IGSF5: variants seen among roughly 807,000 people sequenced by gnomAD.
The protein encoded by IGSF5 is immunoglobulin superfamily 5 like.
IGSF5 carries 41 observed loss-of-function variants against 39.4 expected under a neutral mutation model. The observed-to-expected ratio is 1.04, with a 90% CI of 0.81 to 1.35. The LOEUF is 1.35. Ranked by LOEUF, IGSF5 falls within the 40% of genes most tolerant of loss-of-function variation. The probability of loss-of-function intolerance (pLI) is 0.00; values close to 1 mark genes in which losing one functional copy is unlikely to be tolerated. For missense variants in IGSF5, 487 were observed against 494.6 expected, an observed-to-expected ratio of 0.98 and a Z score of 0.15; for synonymous variants, 183 against 175.3, an observed-to-expected ratio of 1.04 and a Z score of -0.34.
intron 2 of IGSF5, among the ~76,000 whole-genome samples, chr21:39,764,955 C>A (rs1367674275): frequency 1.3e-5 from 2 of 152,172 alleles, no homozygotes; most frequent in African/African-American, 4.8e-5. Context: ...TGGGATGTTG[C>A]CAGCTGGCAG....
At chr21:39,744,376 G>C (rs552940473), upstream of IGSF5, among the ~76,000 whole-genome samples, 59 of 152,364 alleles carry the variant, frequency 3.9e-4, no homozygotes, top group Non-Finnish European at 6.6e-4. Context: ...TTTTGAGTCA[G>C]GATTGAGATA....
chr21:39,796,870 A>G (rs769249023), intron 8 of IGSF5, among the ~76,000 whole-genome samples: 4 of 152,200 alleles, frequency 2.6e-5, no homozygotes, highest in African/African-American at 7.2e-5. Context: ...ATCCATGGAG[A>G]TGCGGCAGGC....
In IGSF5 at chr21:39,792,365, A is replaced by T. The variant is rs538536418; in HGVS notation, c.1048+266A>T. ...AAAACTTTGTTTTTTTCCATCACAC[A>T]CTGGGGCCTGCCATAGGGTGGGGGG... On this transcript the variant is annotated intron_variant, in intron 7 of 8. Transcript: ENST00000380588. 2.3e-4 allele frequency among the ~76,000 whole-genome samples: 35 copies of T among 152,186 alleles called. 1 individual carries two copies. In the East Asian group the frequency reaches 5.4e-3, roughly 24 times the overall value.
At chr21:39,721,960 C>T in the IGSF5 span, among the ~76,000 whole-genome samples, 1 of 152,142 alleles carries the variant, frequency 6.6e-6, no homozygotes, top group Non-Finnish European at 1.5e-5. Flanking sequence ...GCTTTGTGGT[C>T]CCTTTGTCTC....
intron 2 of IGSF5, 144 bp from the exon 3 acceptor site, chr21:39,765,391 G>C (rs1303759904): frequency 1.5e-6 from 1 of 683,970 alleles, no homozygotes; most frequent in Non-Finnish European, 2.4e-6. Flanking sequence ...AGGGAGAGCT[G>C]GTGTTCGGAT....
At chr21:39,767,679 A>G (rs2080093639) in intron 3 of IGSF5, among the ~76,000 whole-genome samples, 1 of 152,244 alleles carries the variant, frequency 6.6e-6, no homozygotes, top group Non-Finnish European at 1.5e-5. Context: ...AATAAGACAC[A>G]GTTTCTTTCT....
intron 6 of IGSF5, 43 bp from the exon 7 acceptor site, chr21:39,791,965 T>C (rs1464079416): frequency 7.3e-6 from 10 of 1,369,864 alleles, no homozygotes; most frequent in Non-Finnish European, 1.0e-5. Flanking sequence ...TTGGCAATGT[T>C]AATGCCAACA....
At chr21:39,712,842 C>T in the IGSF5 span, among the ~76,000 whole-genome samples, 1 of 152,126 alleles carries the variant, frequency 6.6e-6, no homozygotes, top group Non-Finnish European at 1.5e-5. Flanking sequence ...ATTCACAGGC[C>T]TCCTTGTCCC....
intron 3 of IGSF5, 66 bp from the exon 4 acceptor site, chr21:39,770,850 A>T (rs2080110056): frequency 8.4e-7 from 1 of 1,196,066 alleles, no homozygotes; most frequent in Non-Finnish European, 1.1e-6. Context: ...AAGAAAAAAA[A>T]AAAGAAAACT....
chr21:39,734,469 C>CACAT, the IGSF5 span, among the ~76,000 whole-genome samples: 1 of 149,846 alleles, frequency 6.7e-6, no homozygotes, highest in African/African-American at 2.4e-5. Flanking sequence ...CACACACACA[C>CACAT]ACACACTCAT....
chr21:39,738,810 T>G, the IGSF5 span, among the ~76,000 whole-genome samples: 1 of 151,920 alleles, frequency 6.6e-6, no homozygotes, highest in Admixed American at 6.6e-5. The surrounding 1 kb of genome is among the most constrained non-coding windows in gnomAD (Gnocchi z 6.4). Flanking sequence ...CGTTCTTATC[T>G]CCCTCATAGG....
chr21:39,779,771 A>G (rs2146287295), intron 5 of IGSF5, among the ~76,000 whole-genome samples: 1 of 152,320 alleles, frequency 6.6e-6, no homozygotes, highest in Non-Finnish European at 1.5e-5. Context: ...GACCTAAAGG[A>G]TATTATGCTA....
At chr21:39,736,877 C>G in the IGSF5 span, among the ~76,000 whole-genome samples, 1 of 152,164 alleles carries the variant, frequency 6.6e-6, no homozygotes, top group South Asian at 2.1e-4. Flanking sequence ...CTGGCCAGCC[C>G]TCACAACTCC....
the IGSF5 span, among the ~76,000 whole-genome samples, chr21:39,717,646 G>A: frequency 2.6e-5 from 4 of 152,130 alleles, no homozygotes; most frequent in African/African-American, 9.7e-5. Flanking sequence ...AGATCAGATG[G>A]TCGTAGATGT....
the IGSF5 span, among the ~76,000 whole-genome samples, chr21:39,733,587 T>C: frequency 6.6e-6 from 1 of 152,250 alleles, no homozygotes; most frequent in Non-Finnish European, 1.5e-5. Context: ...TAAGTGGTCA[T>C]ATTAGCCTCC....
the IGSF5 span, chr21:39,725,971 C>T: frequency 6.6e-6 from 1 of 152,200 alleles, no homozygotes; most frequent in Non-Finnish European, 1.5e-5. Context: ...GCTCCAGCAA[C>T]CTGCGGGTCC....
At chr21:39,793,829 G>A (rs1037037251) in intron 8 of IGSF5, among the ~76,000 whole-genome samples, 4 of 152,188 alleles carry the variant, frequency 2.6e-5, no homozygotes, top group African/African-American at 9.7e-5. Context: ...ATCAAGGCTG[G>A]TTCTGGGTAA....
chr21:39,712,252 AG>A, the IGSF5 span, among the ~76,000 whole-genome samples: 1 of 152,214 alleles, frequency 6.6e-6, no homozygotes, highest in Non-Finnish European at 1.5e-5. Flanking sequence ...CAGAAGCTCC[AG>A]GGCAGTGCGG....
chr21:39,728,898 T>C, the IGSF5 span, among the ~76,000 whole-genome samples: 1 of 152,172 alleles, frequency 6.6e-6, no homozygotes, highest in Non-Finnish European at 1.5e-5. Context: ...TCCTATTTTA[T>C]AGAAGGGAAA....
Sources: allele counts gnomAD v4.1 joint callset (sites outside exome capture counted in the v4.1 genomes callset), GRCh38; gene constraint gnomAD v4.1.1; non-coding constraint Gnocchi (gnomAD v3.1); transcripts MANE v1.5; gene names NCBI Gene and HGNC (gene_info 2026-07-23, HGNC 2026-07-21).